MAGI2: variants seen among roughly 807,000 people sequenced by gnomAD.
The protein encoded by MAGI2 is membrane associated guanylate kinase, WW and PDZ domain containing 2, also known as membrane-associated guanylate kinase, WW and PDZ domain-containing protein 2.
A neutral mutation model predicts 133.3 loss-of-function variants in MAGI2; 35 were observed. The observed-to-expected ratio is 0.26, with a 90% CI of 0.20 to 0.35. The LOEUF (loss-of-function observed/expected upper bound fraction) is 0.35. Among genes scored for constraint, MAGI2 ranks in the 10% least tolerant of loss-of-function variants. The probability of loss-of-function intolerance (pLI) is 1.00; values close to 1 mark genes in which losing one functional copy is unlikely to be tolerated. For missense variants in MAGI2, 1,636 were observed against 1,863.4 expected (o/e 0.88, Z 2.25); for synonymous variants, 729 against 710.6 (o/e 1.03, Z -0.41).
chr7:79,415,155 A>C (rs964151196), intron 1 of MAGI2: 1 of 152,200 alleles, frequency 6.6e-6, no homozygotes, highest in Non-Finnish European at 1.5e-5. Flanking sequence ...CCTCTAGCCT[A>C]CATAAGAAAA....
chr7:78,329,170 G>T (rs1788910689), intron 9 of MAGI2, among the ~76,000 whole-genome samples: 1 of 152,056 alleles, frequency 6.6e-6, no homozygotes, highest in Non-Finnish European at 1.5e-5. Context: ...CATATGAGAG[G>T]CACATTAATT....
chr7:78,778,584 T>A (rs1826159022), intron 2 of MAGI2, among the ~76,000 whole-genome samples: 1 of 152,200 alleles, frequency 6.6e-6, no homozygotes, highest in African/African-American at 2.4e-5. Flanking sequence ...ACCAAGCATA[T>A]TCCCCATAAA....
At chr7:78,341,281 C>T (rs938853611) in intron 9 of MAGI2, among the ~76,000 whole-genome samples, 2 of 152,068 alleles carry the variant, frequency 1.3e-5, no homozygotes, top group Non-Finnish European at 1.5e-5. Flanking sequence ...TCAGGGAGAA[C>T]TATAAACCAC....
intron 2 of MAGI2, among the ~76,000 whole-genome samples, chr7:78,902,015 G>A (rs1010655764): frequency 2.6e-5 from 4 of 152,048 alleles, no homozygotes; most frequent in Non-Finnish European, 2.9e-5. Flanking sequence ...ATATGTATAC[G>A]TATTTTGGAA....
At chr7:78,041,080 C>G (rs1210423855) in intron 21 of MAGI2, among the ~76,000 whole-genome samples, 1 of 152,118 alleles carries the variant, frequency 6.6e-6, no homozygotes, top group Non-Finnish European at 1.5e-5. Context: ...TTCTTCTCAC[C>G]TGAAGTCTGT....
At chr7:78,630,413 CTTTTT>C (rs35696228) in intron 2 of MAGI2, among the ~76,000 whole-genome samples, 1 of 112,340 alleles carries the variant, frequency 8.9e-6, no homozygotes, top group African/African-American at 3.5e-5. Context: ...TTGTGTTTAA[CTTTTT>C]TTTTTTTTTT....
intron 1 of MAGI2, among the ~76,000 whole-genome samples, chr7:79,248,304 G>T (rs1832964559): frequency 6.6e-6 from 1 of 152,098 alleles, no homozygotes. Context: ...GGTCAATTCA[G>T]TAAGAGGTAA....
intron 1 of MAGI2, among the ~76,000 whole-genome samples, chr7:79,176,669 GCCTT>G (rs1395716928): frequency 6.6e-6 from 1 of 151,868 alleles, no homozygotes; most frequent in Non-Finnish European, 1.5e-5. Context: ...TATAGAATTT[GCCTT>G]TGCCCACTAC....
intron 10 of MAGI2, among the ~76,000 whole-genome samples, chr7:78,235,843 G>A (rs1023330557): frequency 6.6e-6 from 1 of 151,960 alleles, no homozygotes; most frequent in African/African-American, 2.4e-5. Flanking sequence ...GAGAACCCTG[G>A]GGTTTTTTTT....
chr7:78,199,743 A>T (rs144628159), intron 11 of MAGI2, among the ~76,000 whole-genome samples: 1 of 152,224 alleles, frequency 6.6e-6, no homozygotes, highest in South Asian at 2.1e-4. Flanking sequence ...TTGTAGAAAT[A>T]CATGGATTCA....
intron 1 of MAGI2, among the ~76,000 whole-genome samples, chr7:79,058,676 T>C (rs1813398139): frequency 6.6e-6 from 1 of 152,076 alleles, no homozygotes; most frequent in African/African-American, 2.4e-5. Context: ...AGTAAATGCA[T>C]AGGAGGTAGG....
At chr7:78,580,621 C>T (rs1455680478) in intron 3 of MAGI2, among the ~76,000 whole-genome samples, 1 of 152,118 alleles carries the variant, frequency 6.6e-6, no homozygotes, top group Non-Finnish European at 1.5e-5. Context: ...CATTCATAGC[C>T]AGCCAAACCT....
At chr7:78,921,631 G>GTT (rs11300201) in intron 2 of MAGI2, among the ~76,000 whole-genome samples, 15 of 145,800 alleles carry the variant, frequency 1.0e-4, no homozygotes, top group Non-Finnish European at 1.4e-4. Flanking sequence ...CTTTTCAACA[G>GTT]TTTTTTTTTT....
intron 2 of MAGI2, among the ~76,000 whole-genome samples, chr7:78,656,122 T>C (rs1435841970): frequency 6.6e-6 from 1 of 151,940 alleles, no homozygotes; most frequent in Non-Finnish European, 1.5e-5. Context: ...TCCATTATAC[T>C]AGAGTGGTCA....
At chr7:78,322,090 T>C (rs1051449288) in intron 9 of MAGI2, among the ~76,000 whole-genome samples, 1 of 152,152 alleles carries the variant, frequency 6.6e-6, no homozygotes, top group Admixed American at 6.5e-5. Flanking sequence ...AGAATGGTGA[T>C]CATTGAAAAG....
chr7:78,597,532 A>G (rs1483942378), intron 3 of MAGI2, among the ~76,000 whole-genome samples: 4 of 135,950 alleles, frequency 2.9e-5, no homozygotes, highest in Admixed American at 6.9e-5. Context: ...TAAGATTTCA[A>G]TGAAAGAGCC....
intron 1 of MAGI2, among the ~76,000 whole-genome samples, chr7:79,276,972 T>C (rs1322889204): frequency 6.6e-6 from 1 of 151,382 alleles, no homozygotes; most frequent in Non-Finnish European, 1.5e-5. Flanking sequence ...AAAATAATAA[T>C]AATAATAATA....
intron 1 of MAGI2, among the ~76,000 whole-genome samples, chr7:79,241,182 A>T (rs372904864): frequency 1.1e-4 from 16 of 152,254 alleles, no homozygotes; most frequent in African/African-American, 3.4e-4. Context: ...TGAACAGGAG[A>T]GGAAATTTAT....
At chr7:78,286,476 C>G (rs528785839) in intron 9 of MAGI2, among the ~76,000 whole-genome samples, 2 of 152,084 alleles carry the variant, frequency 1.3e-5, no homozygotes, top group African/African-American at 4.8e-5. Context: ...AGAATTGATA[C>G]GTGACCTTTG....
Sources: gnomAD v4.1 joint callset for allele counts (sites outside exome capture counted in the v4.1 genomes callset) on GRCh38, gnomAD v4.1.1 for gene constraint, MANE v1.5 for transcripts, NCBI Gene and HGNC (gene_info 2026-07-23, HGNC 2026-07-21) for gene names.